Variants in PNPLA1 observed in about 807,000 individuals in gnomAD.
PNPLA1 encodes the protein patatin like domain 1, omega-hydroxyceramide transacylase.
In PNPLA1, 36 loss-of-function variants were observed where a neutral mutation model predicts 51.7. That is an observed-to-expected ratio of 0.70 (90% CI 0.53 to 0.92). The LOEUF is 0.92. Ranked by LOEUF, PNPLA1 falls within the 40% of genes least tolerant of loss-of-function variation. The pLI is 0.00. For synonymous variants in PNPLA1, 293 were observed against 280.1 expected, an observed-to-expected ratio of 1.05 and a Z score of -0.46; for missense variants, 658 against 682.5, an observed-to-expected ratio of 0.96 and a Z score of 0.40.
chr6:36,307,635 G>A lies in PNPLA1; in HGVS notation c.1518G>A (p.Lys506=), dbSNP rs369814489. 8 of 1,613,814 alleles carry A rather than the reference G, an allele frequency of 5.0e-6. No individual in the cohort carries two copies. The African/African-American group carries it at 8.0e-5, about 16-fold the overall frequency. Residue 506 remains lysine, a synonymous_variant, in exon 8 of 9, where the codon AAG becomes AAA. Transcript: ENST00000636260. ...DSNWVNKVFK[K]NKQKTSGTRK... ...ACTGGGTGAATAAGGTCTTCAAGAA[G>A]AACAAGCAAAAGACAAGTGGCACCA...
At chr6:36,244,631 G>C (rs1258438171) in intron 1 of PNPLA1, among the ~76,000 whole-genome samples, 2 of 152,214 alleles carry the variant, frequency 1.3e-5, no homozygotes, top group Non-Finnish European at 2.9e-5. Context: ...ACATCTGTCA[G>C]ATGACACCCT....
At chr6:36,293,320 T>C (rs1440621756) in intron 3 of PNPLA1, among the ~76,000 whole-genome samples, 194 bp downstream of exon 3, 5 of 152,148 alleles carry the variant, frequency 3.3e-5, no homozygotes, top group Admixed American at 2.6e-4. Flanking sequence ...CTTCTCCAGC[T>C]GGGGTGGGTT....
At chr6:36,256,711 G>A (rs1769541737) in intron 1 of PNPLA1, among the ~76,000 whole-genome samples, 1 of 152,136 alleles carries the variant, frequency 6.6e-6, no homozygotes, top group South Asian at 2.1e-4. Flanking sequence ...CTCTTAAAGT[G>A]CTGGGATTAC....
chr6:36,278,953 C>T (rs1019780525), intron 1 of PNPLA1, among the ~76,000 whole-genome samples: 35 of 152,128 alleles, frequency 2.3e-4, no homozygotes, highest in Admixed American at 2.1e-3. Flanking sequence ...GAAGATAAAG[C>T]AGGGGAAGGA....
In PNPLA1 at chr6:36,293,042, C is replaced by T. The variant is rs371941815; in HGVS notation, c.439-19C>T. On this transcript the variant is annotated intron_variant, in intron 2 of 8. Coordinates refer to ENST00000636260, the MANE Select transcript of PNPLA1 (RefSeq NM_001374623.1). ...CACCCCCGGGCCTCCAGCATCTCAGCCCTGTTCTCTCCGCACAGGCCCTAT... is the reference window on the plus strand; with the variant it reads ...CACCCCCGGGCCTCCAGCATCTCAGTCCTGTTCTCTCCGCACAGGCCCTAT... The T allele has an allele frequency of 2.6e-4, 421 of 1,609,954 alleles. No homozygotes were observed. The highest frequency in any genetic ancestry group is 3.0e-4 in the Non-Finnish European group (356 of 1,177,582).
intron 2 of PNPLA1, 145 bp from the exon 3 acceptor site, chr6:36,292,916 T>A (rs1770732239): frequency 1.6e-6 from 1 of 619,332 alleles, no homozygotes; most frequent in Admixed American, 3.3e-5. Context: ...GGAACTGAAC[T>A]CGGAGCTTTG....
In PNPLA1 at chr6:36,302,298, G is replaced by T; in HGVS notation, c.1213G>T (p.Val405Leu). The change falls in exon 6 of 9, where the codon GTA (valine) becomes TTA (leucine). Residue 405 changes from valine (V) to leucine (L), a missense_variant. Transcript: ENST00000636260. The part of the protein sequence containing the change: ...GLSPLSPQQQ[V>L]QPSGSPARSL... ...GTCACCTCTGTCACCTCAGCAGCAG[G>T]TACAACCGTCTGGATCACCAGCCAG... 6.2e-7 allele frequency: 1 copy of T among 1,614,102 alleles called. No homozygotes were observed. Among genetic ancestry groups the T allele is most frequent in the East Asian group, 2.2e-5 (1 of 44,880 alleles).
At chr6:36,306,073 G>A (rs1771223865) in intron 6 of PNPLA1, among the ~76,000 whole-genome samples, 1 of 152,070 alleles carries the variant, frequency 6.6e-6, no homozygotes, top group African/African-American at 2.4e-5. Flanking sequence ...TGTTTCTAAT[G>A]TTCCACCAAG....
chr6:36,293,236 C>A, intron 3 of PNPLA1, 110 bp downstream of exon 3: 1 of 1,098,862 alleles, frequency 9.1e-7, no homozygotes. Flanking sequence ...GCGGGAGGAC[C>A]TAGAGTTGGA....
chr6:36,294,065 G>A lies in PNPLA1; in HGVS notation c.505-125G>A. 1.8e-6 allele frequency: 2 copies of A among 1,124,766 alleles called. No individual in the cohort carries two copies. The highest frequency in any genetic ancestry group is 2.3e-5 in the Admixed American group (1 of 43,128). 69.7% of individuals were successfully genotyped at this position (1,124,766 alleles called of 1,614,324 possible). On this transcript the variant is annotated intron_variant, in intron 3 of 8. Transcript: ENST00000636260. The surrounding 1 kb of genome is among the most constrained non-coding windows in gnomAD (Gnocchi z 4.2). ...TCCGTCTCCAGGCTTATCCTGAGGG[G>A]TCTTCTGGATCTTCCTTGATGGGCC...
intron 1 of PNPLA1, among the ~76,000 whole-genome samples, chr6:36,245,240 C>CAACT (rs1411362922): frequency 3.9e-5 from 6 of 152,300 alleles, no homozygotes; most frequent in Non-Finnish European, 7.4e-5. Context: ...CCTCGGCTCC[C>CAACT]AACTGAAGTC....
At chr6:36,307,454 TG>T in intron 7 of PNPLA1, 132 bp from the exon 8 acceptor site, 1 of 999,410 alleles carries the variant, frequency 1.0e-6, no homozygotes, top group Non-Finnish European at 1.4e-6. Context: ...AAAAGTTTGC[TG>T]GGAAATCCAA....
At chr6:36,291,579 G>GGGGGGGGGGA in intron 2 of PNPLA1, 27 bp downstream of exon 2, 2 of 103,658 alleles carry the variant, frequency 1.9e-5, no homozygotes, top group Non-Finnish European at 3.9e-5. Context: ...GGGAGGGAGG[G>GGGGGGGGGGA]ACACGGAGGG....
intron 1 of PNPLA1, among the ~76,000 whole-genome samples, chr6:36,257,546 G>T (rs1435349445): frequency 6.6e-6 from 1 of 152,172 alleles, no homozygotes. Context: ...ATGGGTTATT[G>T]CTTGTTTGTC....
At chr6:36,292,515 C>T (rs1770719689) in intron 2 of PNPLA1, among the ~76,000 whole-genome samples, 1 of 152,188 alleles carries the variant, frequency 6.6e-6, no homozygotes, top group Admixed American at 6.5e-5. Context: ...TCCCTCCTTC[C>T]CACACTGCTT....
upstream of PNPLA1, among the ~76,000 whole-genome samples, chr6:36,268,994 C>G (rs1016115665): frequency 1.3e-5 from 2 of 152,038 alleles, no homozygotes; most frequent in Non-Finnish European, 2.9e-5. Flanking sequence ...CGCACACACA[C>G]TTTATCTAAT....
chr6:36,302,069 G>A lies in PNPLA1; in HGVS notation c.984G>A (p.Val328=), dbSNP rs1414638488. ...GDGRGSHGPP[V]SQPVQTLEFT... ...GAAGGGGCAGCCATGGTCCGCCTGT[G>A]TCCCAACCTGTGCAGACACTTGAAT... The change falls in exon 6 of 9, where the codon GTG becomes GTA. Residue 328 remains valine, a synonymous_variant. Coordinates refer to ENST00000636260, the MANE Select transcript of PNPLA1 (RefSeq NM_001374623.1). The A allele has an allele frequency of 6.2e-7, 1 of 1,614,140 alleles. No homozygotes were observed.
intron 1 of PNPLA1, among the ~76,000 whole-genome samples, chr6:36,282,994 T>G (rs1207043265): frequency 6.6e-6 from 1 of 152,190 alleles, no homozygotes; most frequent in African/African-American, 2.4e-5. Context: ...GATCTGTGTT[T>G]TTTTAAAAAT....
intron 1 of PNPLA1, among the ~76,000 whole-genome samples, chr6:36,252,609 A>G (rs1582026089): frequency 6.6e-6 from 1 of 151,816 alleles, no homozygotes; most frequent in Admixed American, 6.6e-5. Flanking sequence ...GTACTTAATG[A>G]AGACACCCAC....
Sources: gnomAD v4.1 joint callset for allele counts (sites outside exome capture counted in the v4.1 genomes callset) on GRCh38, gnomAD v4.1.1 for gene constraint, Gnocchi (gnomAD v3.1) non-coding constraint, MANE v1.5 for transcripts, NCBI Gene and HGNC (gene_info 2026-07-23, HGNC 2026-07-21) for gene names.